Variants in CADPS observed in about 807,000 individuals in gnomAD.
The protein encoded by CADPS is calcium-dependent secretion activator 1.
A neutral mutation model predicts 167.3 loss-of-function variants in CADPS; 57 were observed. That is an observed-to-expected ratio of 0.34 (90% confidence interval 0.28 to 0.42). The LOEUF (loss-of-function observed/expected upper bound fraction) is 0.42. CADPS is among the 20% of genes least tolerant of loss of function. The probability of loss-of-function intolerance (pLI) is 1.00; values close to 1 mark genes in which losing one functional copy is unlikely to be tolerated. For synonymous variants in CADPS, 676 were observed against 635.3 expected (o/e 1.06, Z -0.96); for missense variants, 1,414 against 1,738.1 (o/e 0.81, Z 3.32).
chr3:62,645,573 T>A, intron 6 of CADPS, 149 bp downstream of exon 6: 1 of 788,520 alleles, frequency 1.3e-6, no homozygotes, highest in Non-Finnish European at 2.0e-6. Context: ...CAAATAAAAA[T>A]GTAGGCAAGT....
chr3:62,485,482 C>T (rs561068740), intron 21 of CADPS, among the ~76,000 whole-genome samples: 5 of 152,164 alleles, frequency 3.3e-5, no homozygotes, highest in African/African-American at 7.2e-5. Context: ...GTCCTCATAA[C>T]TTTTCCTTAT....
rs1244331205 is a variant in CADPS, at chr3:62,409,524, A to G, written c.3778-6339T>C. On this transcript the variant is annotated intron_variant, in intron 28 of 29. Transcript: ENST00000383710. ...AGCCTTAAGAACTGATGGATGAGAG[A>G]CAATCATTGCTGACTCTTAAGGGAA... Among the ~76,000 whole-genome samples the G allele has an allele frequency of 3.3e-5, 5 of 152,246 alleles. No homozygotes were observed. The East Asian group carries it at 9.6e-4, about 29-fold the overall frequency.
intron 2 of CADPS, 32 bp downstream of exon 2, chr3:62,765,839 G>C (rs1468258775): frequency 6.9e-7 from 1 of 1,449,484 alleles, no homozygotes; most frequent in Non-Finnish European, 9.7e-7. Flanking sequence ...GGCTTGAGTG[G>C]TCTTGGCATT....
intron 26 of CADPS, among the ~76,000 whole-genome samples, chr3:62,453,996 A>G (rs1276265621): frequency 6.6e-6 from 1 of 152,196 alleles, no homozygotes; most frequent in Admixed American, 6.5e-5. Context: ...AGAGGTGGGA[A>G]CTGTGACACC....
At chr3:62,769,123 A>T (rs1246905725) in intron 1 of CADPS, among the ~76,000 whole-genome samples, 1 of 152,128 alleles carries the variant, frequency 6.6e-6, no homozygotes, top group East Asian at 1.9e-4. Flanking sequence ...TACTGACCTC[A>T]TAGGGTTGTT....
At chr3:62,587,490 G>C (rs1405154670) in intron 7 of CADPS, among the ~76,000 whole-genome samples, 1 of 152,182 alleles carries the variant, frequency 6.6e-6, no homozygotes, top group Admixed American at 6.5e-5. Context: ...GCCTGAGAGA[G>C]GTAGGGGTGA....
intron 13 of CADPS, among the ~76,000 whole-genome samples, chr3:62,527,325 C>T (rs148054177): frequency 6.3e-4 from 96 of 152,238 alleles, no homozygotes; most frequent in African/African-American, 2.2e-3. Context: ...GGAGGCTCTC[C>T]TGTGTATTAT....
chr3:62,696,039 T>G (rs1200344831), intron 3 of CADPS, among the ~76,000 whole-genome samples: 1 of 152,142 alleles, frequency 6.6e-6, no homozygotes, highest in East Asian at 1.9e-4. Context: ...TCAGGGAAAC[T>G]TCAGGGGGCC....
intron 6 of CADPS, among the ~76,000 whole-genome samples, chr3:62,594,692 C>T (rs1029407455): frequency 6.6e-6 from 1 of 152,154 alleles, no homozygotes; most frequent in Non-Finnish European, 1.5e-5. Context: ...TTTTTGATTT[C>T]ATCTCTGATT....
intron 12 of CADPS, chr3:62,536,244 G>A: frequency 2.0e-6 from 1 of 509,160 alleles, no homozygotes; most frequent in Non-Finnish European, 3.5e-6. Flanking sequence ...AATTGGATCT[G>A]TTTCTACTGA....
chr3:62,739,976 T>C (rs2079849639), intron 3 of CADPS, among the ~76,000 whole-genome samples: 1 of 152,216 alleles, frequency 6.6e-6, no homozygotes, highest in South Asian at 2.1e-4. Flanking sequence ...TCATAAGCTA[T>C]TTTACACAAT....
At chr3:62,409,121 C>T (rs1177185646) in intron 28 of CADPS, among the ~76,000 whole-genome samples, 1 of 152,194 alleles carries the variant, frequency 6.6e-6, no homozygotes, top group East Asian at 1.9e-4. Flanking sequence ...AACAGTCTTG[C>T]TTTGTAGATG....
intron 1 of CADPS, among the ~76,000 whole-genome samples, chr3:62,845,712 T>C (rs1264760000): frequency 6.6e-6 from 1 of 152,208 alleles, no homozygotes; most frequent in African/African-American, 2.4e-5. Context: ...CCTCCCACTA[T>C]CATCTATCTC....
At chr3:62,521,615 C>T (rs899267844) in intron 13 of CADPS, among the ~76,000 whole-genome samples, 2 of 152,208 alleles carry the variant, frequency 1.3e-5, no homozygotes, top group Admixed American at 1.3e-4. Context: ...TTTTAAACTG[C>T]TAGCTAGAAA....
At chr3:62,559,646 C>T (rs1446768250) in intron 9 of CADPS, among the ~76,000 whole-genome samples, 1 of 152,136 alleles carries the variant, frequency 6.6e-6, no homozygotes, top group African/African-American at 2.4e-5. Context: ...AGGCATGCGC[C>T]ACCATGTCTG....
chr3:62,833,722 G>T (rs924729653), intron 1 of CADPS, among the ~76,000 whole-genome samples: 1 of 152,058 alleles, frequency 6.6e-6, no homozygotes, highest in African/African-American at 2.4e-5. Flanking sequence ...GGGAGACAGA[G>T]AAGCTGGTGC....
intron 1 of CADPS, among the ~76,000 whole-genome samples, chr3:62,774,040 T>C (rs2089639725): frequency 6.6e-6 from 1 of 152,028 alleles, no homozygotes; most frequent in African/African-American, 2.4e-5. Context: ...AATTTGAACA[T>C]TGATTAAGAT....
chr3:62,574,799 G>A (rs558452529), intron 8 of CADPS, among the ~76,000 whole-genome samples: 37 of 152,328 alleles, frequency 2.4e-4, no homozygotes, highest in Admixed American at 1.2e-3. Context: ...AGGATTAAAC[G>A]AGACAGTGCT....
chr3:62,760,287 A>G (rs184562218), intron 2 of CADPS, among the ~76,000 whole-genome samples: 1 of 152,314 alleles, frequency 6.6e-6, no homozygotes, highest in Admixed American at 6.5e-5. Flanking sequence ...GCAATTAGGC[A>G]AGGAAGGTCC....
Sources: gnomAD v4.1 joint callset for allele counts (sites outside exome capture counted in the v4.1 genomes callset) on GRCh38, gnomAD v4.1.1 for gene constraint, MANE v1.5 for transcripts, NCBI Gene and HGNC (gene_info 2026-07-23, HGNC 2026-07-21) for gene names.